The following PRKG1 variants were observed in gnomAD, a reference collection of about 807,000 sequenced individuals.
PRKG1 encodes the protein cGMP-dependent protein kinase 1.
Under a neutral mutation model 88.1 loss-of-function variants are expected in PRKG1, and 35 were observed. The observed-to-expected ratio is 0.40, with a 90% confidence interval of 0.30 to 0.53. The LOEUF is 0.53. Ranked by LOEUF, PRKG1 falls within the 20% of genes least tolerant of loss-of-function variation. The pLI, the probability that PRKG1 is intolerant of heterozygous loss-of-function variation, is 0.59. For missense variants in PRKG1, 540 were observed against 839.8 expected (o/e 0.64, Z 4.41); for synonymous variants, 303 against 292.5 (o/e 1.04, Z -0.37).
At chr10:52,290,408 A>T (rs1361145473) in intron 17 of PRKG1, 118 bp downstream of exon 17, 8 of 833,134 alleles carry the variant, frequency 9.6e-6, no homozygotes, top group Non-Finnish European at 1.3e-5. Flanking sequence ...AACTCTAGGA[A>T]AAATGTCACA....
intron 3 of PRKG1, among the ~76,000 whole-genome samples, chr10:51,584,943 G>T (rs1017624146): frequency 2.0e-5 from 3 of 152,036 alleles, no homozygotes; most frequent in Admixed American, 2.0e-4. Flanking sequence ...AGAGGATTTG[G>T]TTAGTTTCTT....
intron 1 of PRKG1, among the ~76,000 whole-genome samples, chr10:51,143,972 G>T (rs936340309): frequency 1.3e-5 from 2 of 151,678 alleles, no homozygotes; most frequent in Non-Finnish European, 2.9e-5. Flanking sequence ...GGCTTTTTTT[G>T]ATGTAATCAT....
chr10:51,895,961 C>T (rs961059087), intron 4 of PRKG1, among the ~76,000 whole-genome samples: 3 of 152,066 alleles, frequency 2.0e-5, no homozygotes, highest in Non-Finnish European at 4.4e-5. Flanking sequence ...AGCCATTGGA[C>T]TCCAAGGGCC....
At chr10:52,085,927 A>G (rs1846901896) in intron 7 of PRKG1, among the ~76,000 whole-genome samples, 1 of 152,188 alleles carries the variant, frequency 6.6e-6, no homozygotes, top group Non-Finnish European at 1.5e-5. Context: ...TCTAGTAAAA[A>G]AAGTTAAGCT....
intron 1 of PRKG1, among the ~76,000 whole-genome samples, chr10:51,145,415 C>A (rs1845920106): frequency 6.6e-6 from 1 of 152,010 alleles, no homozygotes; most frequent in Admixed American, 6.6e-5. Flanking sequence ...AGAGTTAGTT[C>A]TTAATAGATC....
intron 4 of PRKG1, among the ~76,000 whole-genome samples, chr10:51,906,969 A>G (rs1160675189): frequency 1.3e-5 from 2 of 152,134 alleles, no homozygotes; most frequent in Non-Finnish European, 2.9e-5. Context: ...CAGTCTTAAG[A>G]TTTCTATTTT....
At chr10:51,284,237 GA>G (rs1840375608) in intron 2 of PRKG1, among the ~76,000 whole-genome samples, 1 of 152,066 alleles carries the variant, frequency 6.6e-6, no homozygotes, top group Admixed American at 6.6e-5. Context: ...AGCCTTAAAA[GA>G]AAAAAGACAT....
At position 52,124,979 on chromosome 10, in the gene PRKG1, TC is replaced by T. The variant is rs140934263; in HGVS notation, c.936-8860del. Among the ~76,000 whole-genome samples the T allele has an allele frequency of 9.0e-3, 1,374 of 152,302 alleles. 29 individuals carry two copies. Among genetic ancestry groups the T allele is most frequent in the African/African-American group, 0.032 (1,314 of 41,556 alleles). On this transcript the variant is annotated intron_variant, in intron 7 of 17. Coordinates refer to ENST00000373980, the MANE Select transcript of PRKG1 (RefSeq NM_006258.4). ...GTTATCTTCTATAACAATGCCTTTT[TC>T]TGGAATACCTCCTGAAAGACTAGCC...
chr10:51,095,451 G>GT (rs1349455811), intron 1 of PRKG1, among the ~76,000 whole-genome samples: 2 of 152,182 alleles, frequency 1.3e-5, no homozygotes, highest in South Asian at 4.1e-4. Context: ...CACAGCTAGA[G>GT]TGTATTGTAA....
chr10:52,035,456 T>G (rs1319040517), intron 5 of PRKG1, among the ~76,000 whole-genome samples: 1 of 152,152 alleles, frequency 6.6e-6, no homozygotes, highest in Non-Finnish European at 1.5e-5. Flanking sequence ...TGGCTTGTAC[T>G]ATAGCATAAC....
At chr10:52,032,155 T>C (rs770582868) in intron 5 of PRKG1, among the ~76,000 whole-genome samples, 18 of 152,212 alleles carry the variant, frequency 1.2e-4, no homozygotes, top group South Asian at 2.1e-4. Context: ...GTAATGGAGA[T>C]TAAATAAAAT....
intron 2 of PRKG1, among the ~76,000 whole-genome samples, chr10:51,186,740 A>C (rs957624160): frequency 6.6e-6 from 1 of 151,754 alleles, no homozygotes; most frequent in East Asian, 1.9e-4. Flanking sequence ...TCCATTAATT[A>C]GCTGTATGTC....
intron 7 of PRKG1, among the ~76,000 whole-genome samples, chr10:52,118,756 A>G (rs550012911): frequency 6.6e-6 from 1 of 152,198 alleles, no homozygotes; most frequent in Admixed American, 6.5e-5. Context: ...GAGTAAAATT[A>G]TACCATGGTA....
At chr10:51,436,616 A>C (rs544897481) in intron 2 of PRKG1, among the ~76,000 whole-genome samples, 1 of 152,060 alleles carries the variant, frequency 6.6e-6, no homozygotes, top group African/African-American at 2.4e-5. Flanking sequence ...CTGAGAGCAC[A>C]CTAATCTCAA....
chr10:52,055,641 T>C (rs899262088), intron 6 of PRKG1, among the ~76,000 whole-genome samples: 3 of 152,186 alleles, frequency 2.0e-5, no homozygotes, highest in African/African-American at 7.2e-5. Context: ...TGATAACCTA[T>C]GATTTAAACT....
chr10:51,348,113 C>T (rs565049653), intron 2 of PRKG1, among the ~76,000 whole-genome samples: 14 of 151,882 alleles, frequency 9.2e-5, no homozygotes, highest in East Asian at 3.9e-4. Flanking sequence ...GGAGAAAACA[C>T]GTAACTTAAG....
chr10:51,539,745 T>A (rs1842253816), intron 3 of PRKG1, among the ~76,000 whole-genome samples: 1 of 152,086 alleles, frequency 6.6e-6, no homozygotes, highest in African/African-American at 2.4e-5. Flanking sequence ...AATGTCACAG[T>A]TTAGAAGGAT....
At chr10:52,016,285 G>A (rs961157679) in intron 5 of PRKG1, among the ~76,000 whole-genome samples, 3 of 152,204 alleles carry the variant, frequency 2.0e-5, no homozygotes, top group Non-Finnish European at 4.4e-5. Flanking sequence ...AGAAGGCAAA[G>A]AGGAATCAAG....
chr10:51,913,053 C>T (rs552353959), intron 5 of PRKG1, among the ~76,000 whole-genome samples: 157 of 152,134 alleles, frequency 1.0e-3, no homozygotes, highest in South Asian at 1.9e-3. Context: ...CTCAGTCTCC[C>T]GAGTAGCTGG....
Sources: allele counts gnomAD v4.1 joint callset (sites outside exome capture counted in the v4.1 genomes callset), GRCh38; gene constraint gnomAD v4.1.1; transcripts MANE v1.5; gene names NCBI Gene and HGNC (gene_info 2026-07-23, HGNC 2026-07-21).